The following GTF2A1L variants were observed in gnomAD, a reference collection of about 807,000 sequenced individuals.
GTF2A1L encodes general transcription factor IIA subunit 1 like.
A neutral mutation model predicts 49.7 loss-of-function variants in GTF2A1L; 48 were observed. The ratio of observed to expected loss-of-function variants is 0.97; its 90% CI spans 0.77 to 1.23. GTF2A1L has a LOEUF of 1.23. Among genes scored for constraint, GTF2A1L ranks in the 50% most tolerant of loss-of-function variants. GTF2A1L has a pLI of 0.00. For missense variants in GTF2A1L, 736 were observed against 564.8 expected (o/e 1.30, Z -3.07); for synonymous variants, 246 against 193.5 (o/e 1.27, Z -2.25).
At chr2:48,620,203 T>G (rs1360327106) in intron 1 of GTF2A1L, among the ~76,000 whole-genome samples, 1 of 152,180 alleles carries the variant, frequency 6.6e-6, no homozygotes, top group Non-Finnish European at 1.5e-5. Context: ...TTAATTTCCC[T>G]TTTAAAAGGA....
rs533518006 is a variant in GTF2A1L at position 48,671,226 on chromosome 2, G to C, written c.1240-365G>C. On this transcript the variant is annotated intron_variant, in intron 7 of 8. Transcript: ENST00000403751. ...TTTGTTTTGGTTTGGTTTTTGAGAT[G>C]GAGTCTCGCTCTGTCGCTCAGGCTT... 3.3e-5 allele frequency among the ~76,000 whole-genome samples: 5 copies of C among 149,384 alleles called. No individual in the cohort carries two copies. In the South Asian group the frequency reaches 1.1e-3, roughly 32 times the overall value.
At chr2:48,669,156 C>G (rs1275243850) in intron 6 of GTF2A1L, among the ~76,000 whole-genome samples, 2 of 152,106 alleles carry the variant, frequency 1.3e-5, no homozygotes, top group African/African-American at 4.8e-5. Flanking sequence ...CAAACAGAAA[C>G]TCTGTACTCA....
chr2:48,644,018 A>G (rs757457142), intron 4 of GTF2A1L, among the ~76,000 whole-genome samples: 3 of 151,978 alleles, frequency 2.0e-5, no homozygotes, highest in Admixed American at 6.6e-5. Flanking sequence ...TTTTTTTAAA[A>G]AAATTAGCCA....
At chr2:48,656,860 G>A (rs548373018) in intron 6 of GTF2A1L, among the ~76,000 whole-genome samples, 1 of 152,070 alleles carries the variant, frequency 6.6e-6, no homozygotes, top group South Asian at 2.1e-4. Context: ...TCCATTTTGA[G>A]TTAATTTTCG....
intron 6 of GTF2A1L, among the ~76,000 whole-genome samples, chr2:48,649,640 C>T (rs1265812995): frequency 2.6e-5 from 4 of 152,190 alleles, no homozygotes; most frequent in African/African-American, 9.6e-5. Context: ...CACACTGGCA[C>T]CGTGGTAAAT....
intron 4 of GTF2A1L, among the ~76,000 whole-genome samples, chr2:48,642,847 A>G (rs940475489): frequency 3.1e-5 from 4 of 130,402 alleles, no homozygotes; most frequent in African/African-American, 8.6e-5. Flanking sequence ...CAAGAACAAA[A>G]TTCTGTCTCA....
chr2:48,641,446 A>C (rs1168441401), intron 3 of GTF2A1L, among the ~76,000 whole-genome samples: 4 of 152,170 alleles, frequency 2.6e-5, no homozygotes, highest in African/African-American at 9.6e-5. Context: ...TAATGTCAGG[A>C]ACAGATCTTT....
At chr2:48,657,305 G>A (rs1218257633) in intron 6 of GTF2A1L, among the ~76,000 whole-genome samples, 1 of 152,106 alleles carries the variant, frequency 6.6e-6, no homozygotes, top group Non-Finnish European at 1.5e-5. Context: ...ACCACTGGGT[G>A]TCCGTATGTG....
chr2:48,622,514 A>T (rs530839199), intron 3 of GTF2A1L, among the ~76,000 whole-genome samples: 1 of 152,198 alleles, frequency 6.6e-6, no homozygotes, highest in South Asian at 2.1e-4. Context: ...TGTTTTTTTA[A>T]CTTATGGTTG....
chr2:48,667,519 T>C (rs1384299153), intron 6 of GTF2A1L, among the ~76,000 whole-genome samples: 1 of 152,222 alleles, frequency 6.6e-6, no homozygotes, highest in South Asian at 2.1e-4. Context: ...CCCTCTAAGA[T>C]TTCTCTAATT....
At chr2:48,655,063 G>A (rs1386202878) in intron 6 of GTF2A1L, among the ~76,000 whole-genome samples, 2 of 152,004 alleles carry the variant, frequency 1.3e-5, no homozygotes, top group Non-Finnish European at 2.9e-5. Flanking sequence ...TTGGGTTTGT[G>A]TTGAATCTAT....
intron 6 of GTF2A1L, among the ~76,000 whole-genome samples, chr2:48,654,878 T>C (rs1678085133): frequency 6.6e-6 from 1 of 152,208 alleles, no homozygotes; most frequent in Non-Finnish European, 1.5e-5. Context: ...GACTATCTTT[T>C]TGCTAGGACC....
intron 3 of GTF2A1L, 99 bp from the exon 4 acceptor site, chr2:48,642,303 T>G: frequency 8.6e-7 from 1 of 1,159,746 alleles, no homozygotes; most frequent in Non-Finnish European, 1.2e-6. Context: ...GTTTAACCTG[T>G]TAGTGATAGA....
At chr2:48,619,937 C>T (rs955503176) in intron 1 of GTF2A1L, among the ~76,000 whole-genome samples, 2 of 152,226 alleles carry the variant, frequency 1.3e-5, no homozygotes, top group East Asian at 3.9e-4. Flanking sequence ...TCGTGCCCTT[C>T]TTAGGTTCTG....
chr2:48,659,014 C>T lies in GTF2A1L; in HGVS notation c.979-10708C>T, dbSNP rs985001946. 2.0e-5 allele frequency among the ~76,000 whole-genome samples: 3 copies of T among 152,064 alleles called. No individual in the cohort carries two copies. The East Asian group carries it at 5.8e-4, about 29-fold the overall frequency. ...TTCCTTTAAGATGCTAGAAATAGGC[C>T]TACAATCTCTCCTGGCTGGTAAGGT... On this transcript the variant is annotated intron_variant, in intron 6 of 8. Transcript: ENST00000403751.
chr2:48,634,621 C>G (rs540686122), intron 3 of GTF2A1L, among the ~76,000 whole-genome samples: 3 of 152,238 alleles, frequency 2.0e-5, no homozygotes, highest in African/African-American at 7.2e-5. Context: ...GCTTGCATGT[C>G]TGAAAAAACC....
Position 48,640,890 on chromosome 2 carries a change from A to C in GTF2A1L, c.248-1512A>C, listed in dbSNP as rs372236154. ...AATAAGTTATTATTTTTATATGTTC[A>C]AGTATATAACTTGTTAGTTTAGTAT... On this transcript the variant is annotated intron_variant, in intron 3 of 8. Coordinates refer to ENST00000403751, the MANE Select transcript of GTF2A1L (RefSeq NM_006872.5). Among the ~76,000 whole-genome samples the C allele has an allele frequency of 1.6e-4, 24 of 146,548 alleles. No individual in the cohort carries two copies. The East Asian group carries it at 4.5e-3, about 27-fold the overall frequency.
At chr2:48,673,812 G>T (rs1249479840) in intron 8 of GTF2A1L, among the ~76,000 whole-genome samples, 1 of 152,298 alleles carries the variant, frequency 6.6e-6, no homozygotes, top group East Asian at 1.9e-4. Flanking sequence ...TTGTGTCTCT[G>T]TGTCTTCAGA....
chr2:48,645,629 G>C (rs942333309), intron 5 of GTF2A1L, among the ~76,000 whole-genome samples: 23 of 152,216 alleles, frequency 1.5e-4, no homozygotes, highest in African/African-American at 5.3e-4. Context: ...TTTAAGTAAA[G>C]CACCTAACTC....
Sources: gnomAD v4.1 joint callset for allele counts (sites outside exome capture counted in the v4.1 genomes callset) on GRCh38, gnomAD v4.1.1 for gene constraint, MANE v1.5 for transcripts, NCBI Gene and HGNC (gene_info 2026-07-23, HGNC 2026-07-21) for gene names.